MTOR: variants seen among roughly 807,000 people sequenced by gnomAD.
The protein encoded by MTOR is serine/threonine-protein kinase mTOR.
MTOR carries 70 observed loss-of-function variants against 319.8 expected under a neutral mutation model. The observed-to-expected ratio is 0.22, with a 90% CI of 0.18 to 0.27. The LOEUF is 0.27. Ranked by LOEUF, MTOR falls within the 10% of genes least tolerant of loss-of-function variation. The pLI, the probability that MTOR is intolerant of heterozygous loss-of-function variation, is 1.00. For missense variants in MTOR, 1,890 were observed against 3,274.4 expected (o/e 0.58, Z 10.32); for synonymous variants, 1,183 against 1,211.4 (o/e 0.98, Z 0.49).
chr1:11,261,211 C>T (rs1015460220), intron 1 of MTOR, among the ~76,000 whole-genome samples: 7 of 151,462 alleles, frequency 4.6e-5, no homozygotes, highest in African/African-American at 1.5e-4. Context: ...GTAATTAGTT[C>T]CTGGCCGGGT....
chr1:11,194,902 A>G, intron 28 of MTOR: 1 of 1,614,180 alleles, frequency 6.2e-7, no homozygotes, highest in Non-Finnish European at 8.5e-7. Flanking sequence ...AATGGAGTGT[A>G]CTACCGCCTG....
intron 36 of MTOR, among the ~76,000 whole-genome samples, chr1:11,135,608 T>C (rs1570960297): frequency 6.6e-6 from 1 of 151,976 alleles, no homozygotes; most frequent in African/African-American, 2.4e-5. Context: ...CCGAGGCGGG[T>C]GGATCACCTG....
chr1:11,170,231 C>T (rs924397560), intron 28 of MTOR, among the ~76,000 whole-genome samples: 24 of 152,192 alleles, frequency 1.6e-4, no homozygotes, highest in Non-Finnish European at 1.5e-5. Flanking sequence ...TCTAAAGGGA[C>T]CTACTCCACT....
rs28730691 is a variant in MTOR at position 11,241,568 on chromosome 1, A to T, written c.1526T>A (p.Leu509Gln). 1 of 1,613,086 alleles carries T rather than the reference A, an allele frequency of 6.2e-7. No individual in the cohort carries two copies. The highest frequency in any genetic ancestry group is 8.5e-7 in the Non-Finnish European group (1 of 1,179,358). Residue 509 changes from leucine to glutamine, a missense_variant, in exon 10 of 58, where the codon CTG becomes CAG. By Grantham distance (113) the Leu-to-Gln change is moderately radical (BLOSUM62 -2). Around this residue, in one of 15 missense-constraint regions of MTOR, gnomAD observed 418 missense variants for 543.1 expected, o/e 0.77. Coordinates refer to ENST00000361445, the MANE Select transcript of MTOR (RefSeq NM_004958.4). Reference protein sequence around the residue: ...QDIKELLEPMLAVGLSPALTA... With the variant: ...QDIKELLEPMQAVGLSPALTA... ...TGACACCCACCTTAGTCCCACTGCC[A>T]GCATGGGCTCCAGCAGCTCCTTGAT...
Position 11,107,320 on chromosome 1 carries a change from G to A in MTOR, c.*165C>T, listed in dbSNP as rs988362486. On this transcript the variant is annotated 3_prime_UTR_variant, in exon 58 of 58. Transcript: ENST00000361445. ...ACAATATATTCTTCAACAGCAGCTA[G>A]AAAGTTGGTTCAAACCAACTTTTAA... 21 of 1,500,394 alleles carry A rather than the reference G, an allele frequency of 1.4e-5. No individual in the cohort carries two copies. The African/African-American group carries it at 2.7e-4, about 19-fold the overall frequency. 92.9% of individuals were successfully genotyped at this position (1,500,394 alleles called of 1,614,324 possible). A position where few individuals can be genotyped will look rare whatever the true frequency, so the allele number is the denominator to read the frequency against.
intron 19 of MTOR, among the ~76,000 whole-genome samples, chr1:11,218,032 T>C (rs1014740355): frequency 1.3e-5 from 2 of 152,166 alleles, no homozygotes; most frequent in Non-Finnish European, 2.9e-5. Flanking sequence ...TTTGACTCAG[T>C]AGGCTCATTT....
rs1643097309 is a variant in MTOR, at chr1:11,130,631, AGTG to A, written c.5508_5510del (p.Thr1837del). 6.2e-7 allele frequency: 1 copy of A among 1,613,788 alleles called. No individual in the cohort carries two copies. Among genetic ancestry groups the A allele is most frequent in the Non-Finnish European group, 8.5e-7 (1 of 1,179,900 alleles). On this transcript the variant is annotated inframe_deletion, in exon 39 of 58. Coordinates refer to ENST00000361445, the MANE Select transcript of MTOR (RefSeq NM_004958.4). Reference sequence around the variant, plus strand: ...CCTCGGTGCTGGCAGTGGTGGTGGCAGTGGCGGCCGTGGTGGCGGCAGTGGTGG... The same window carrying A: ...CCTCGGTGCTGGCAGTGGTGGTGGCAGCGGCCGTGGTGGCGGCAGTGGTGG...
chr1:11,152,286 G>C (rs1393936515), intron 30 of MTOR: 1 of 152,198 alleles, frequency 6.6e-6, no homozygotes, highest in Admixed American at 6.5e-5. Flanking sequence ...GGAGGACTGG[G>C]TAAAAGGTGC....
At chr1:11,242,007 G>A (rs1175193189) in intron 9 of MTOR, among the ~76,000 whole-genome samples, 1 of 152,110 alleles carries the variant, frequency 6.6e-6, no homozygotes, top group Non-Finnish European at 1.5e-5. Flanking sequence ...GTGTTCATCA[G>A]GGACAAGAAG....
At chr1:11,156,735 C>T (rs1644330362) in intron 30 of MTOR, among the ~76,000 whole-genome samples, 1 of 152,158 alleles carries the variant, frequency 6.6e-6, no homozygotes, top group African/African-American at 2.4e-5. Context: ...GCTGGACACA[C>T]AGTAAGCATC....
At chr1:11,177,984 C>A (rs1284695925) in intron 28 of MTOR, among the ~76,000 whole-genome samples, 1 of 3,456 alleles carries the variant, frequency 2.9e-4, no homozygotes, top group Non-Finnish European at 0.011. Flanking sequence ...TTGTATGCTG[C>A]CTTTTCACTA....
intron 38 of MTOR, 42 bp from the exon 39 acceptor site, chr1:11,130,819 C>T (rs2100434305): frequency 1.3e-6 from 2 of 1,541,696 alleles, no homozygotes; most frequent in Non-Finnish European, 1.7e-6. Flanking sequence ...GGAGCTGTGA[C>T]CAACAGCAGG....
intron 29 of MTOR, 65 bp from the exon 30 acceptor site, chr1:11,157,356 A>G: frequency 1.9e-6 from 3 of 1,549,778 alleles, no homozygotes; most frequent in Non-Finnish European, 8.7e-7. Context: ...TGTTTAATCC[A>G]CATACTCTCT....
chr1:11,184,693 A>C (rs1311236213), intron 28 of MTOR, among the ~76,000 whole-genome samples: 1 of 152,188 alleles, frequency 6.6e-6, no homozygotes, highest in Non-Finnish European at 1.5e-5. Flanking sequence ...TGATTGCACT[A>C]CAGCACTCCA....
Position 11,107,167 on chromosome 1 carries a change from T to C in MTOR, c.*318A>G. 2.2e-6 allele frequency: 3 copies of C among 1,383,782 alleles called. No individual in the cohort carries two copies. The highest frequency in any genetic ancestry group is 2.9e-6 in the Non-Finnish European group (3 of 1,050,956). The allele number at this position is 1,383,782 out of a possible 1,614,324, so 85.7% of individuals were successfully genotyped here. A position where few individuals can be genotyped will look rare whatever the true frequency, so the allele number is the denominator to read the frequency against. On this transcript the variant is annotated 3_prime_UTR_variant, in exon 58 of 58. Coordinates refer to ENST00000361445, the MANE Select transcript of MTOR (RefSeq NM_004958.4). ...CAGCAAGTACTTATGATGAGTTCTC[T>C]TGTGAGTTAAGTCAAAACCCGTATT... is the stretch of plus-strand genomic sequence containing the variant.
intron 20 of MTOR, 133 bp downstream of exon 20, chr1:11,216,015 T>C (rs1349074696): frequency 1.7e-5 from 9 of 531,566 alleles, no homozygotes; most frequent in Admixed American, 1.6e-4. Flanking sequence ...CAGTGGGCTT[T>C]GTTCCACTTC....
intron 28 of MTOR, among the ~76,000 whole-genome samples, chr1:11,168,121 A>T (rs1557797059): frequency 6.6e-6 from 1 of 151,868 alleles, no homozygotes; most frequent in Non-Finnish European, 1.5e-5. Flanking sequence ...GCCGGCAGGC[A>T]GGCAACATGT....
At position 11,192,421 on chromosome 1, in the gene MTOR, C is replaced by G. The variant is rs773696473; in HGVS notation, c.4253+6837G>C. On this transcript the variant is annotated intron_variant, in intron 28 of 57. Coordinates refer to ENST00000361445, the MANE Select transcript of MTOR (RefSeq NM_004958.4). ...TGCCCTAATACCTGTCCTTCACCCC[C>G]TCAAGGGGACTACAACAACAGGGCC... 9 of 1,435,224 alleles carry G rather than the reference C, an allele frequency of 6.3e-6. No individual in the cohort carries two copies. The Admixed American group carries it at 8.5e-5, about 14-fold the overall frequency. The allele number at this position is 1,435,224 out of a possible 1,614,324, so 88.9% of individuals were successfully genotyped here.
Position 11,114,794 on chromosome 1 carries a change from G to T in MTOR, c.7164+19C>A. On this transcript the variant is annotated intron_variant, in intron 52 of 57. Transcript: ENST00000361445. Reference sequence around the variant, plus strand: ...TCCTGATCCCATTTGGAAGCAGCTCGTTCCCGATATCCACTCACCTCCATA... The same window carrying T: ...TCCTGATCCCATTTGGAAGCAGCTCTTTCCCGATATCCACTCACCTCCATA... The T allele has an allele frequency of 1.2e-6, 2 of 1,612,174 alleles. No individual in the cohort carries two copies. The highest frequency in any genetic ancestry group is 2.2e-5 in the East Asian group (1 of 44,872).
Sources: gnomAD v4.1 joint callset for allele counts (sites outside exome capture counted in the v4.1 genomes callset) on GRCh38, gnomAD v4.1.1 for gene constraint, gnomAD v4.1.1 regional missense constraint, MANE v1.5 for transcripts, NCBI Gene and HGNC (gene_info 2026-07-23, HGNC 2026-07-21) for gene names.